The following SIPA1L1 variants were observed in gnomAD, a reference collection of about 807,000 sequenced individuals.
The protein encoded by SIPA1L1 is signal induced proliferation associated 1 like 1, also known as signal-induced proliferation-associated 1-like protein 1.
A neutral mutation model predicts 162.7 loss-of-function variants in SIPA1L1; 26 were observed. The observed-to-expected ratio is 0.16, with a 90% CI of 0.12 to 0.22. The LOEUF (loss-of-function observed/expected upper bound fraction) is 0.22. SIPA1L1 is among the 10% of genes least tolerant of loss of function. SIPA1L1 has a pLI of 1.00. For missense variants in SIPA1L1, 1,874 were observed against 2,241.0 expected (o/e 0.84, Z 3.31); for synonymous variants, 829 against 837.4 (o/e 0.99, Z 0.17).
chr14:71,486,903 G>A (rs765280060), intron 2 of SIPA1L1, among the ~76,000 whole-genome samples: 5 of 152,076 alleles, frequency 3.3e-5, no homozygotes, highest in Non-Finnish European at 5.9e-5. Context: ...TTCTAAAGGC[G>A]CATGTTTTAG....
chr14:71,390,578 C>G (rs888122299), intron 2 of SIPA1L1, among the ~76,000 whole-genome samples: 1 of 151,948 alleles, frequency 6.6e-6, no homozygotes, highest in Non-Finnish European at 1.5e-5. Flanking sequence ...GAGTTTGAGA[C>G]CAGAGCCTGG....
intron 13 of SIPA1L1, among the ~76,000 whole-genome samples, chr14:71,692,129 G>A (rs965141200): frequency 2.0e-5 from 3 of 152,100 alleles, no homozygotes; most frequent in African/African-American, 7.2e-5. Flanking sequence ...TAACAAAAGG[G>A]CTTATTTAAG....
intron 4 of SIPA1L1, among the ~76,000 whole-genome samples, chr14:71,555,218 A>G (rs1238891799): frequency 6.6e-6 from 1 of 152,236 alleles, no homozygotes; most frequent in Non-Finnish European, 1.5e-5. Flanking sequence ...TGTTTCATCT[A>G]TACTGAAAAT....
chr14:71,386,882 A>G (rs2040364690), intron 2 of SIPA1L1, among the ~76,000 whole-genome samples: 1 of 152,122 alleles, frequency 6.6e-6, no homozygotes, highest in Non-Finnish European at 1.5e-5. Flanking sequence ...GTTACTGTGA[A>G]TTTTCTCATT....
chr14:71,517,522 T>C (rs1190515787), intron 3 of SIPA1L1, among the ~76,000 whole-genome samples: 1 of 152,174 alleles, frequency 6.6e-6, no homozygotes, highest in African/African-American at 2.4e-5. Context: ...GGGCGACACG[T>C]CTCTCAGTGA....
intron 2 of SIPA1L1, among the ~76,000 whole-genome samples, chr14:71,413,482 A>G (rs1014896760): frequency 3.3e-5 from 5 of 152,228 alleles, no homozygotes; most frequent in Non-Finnish European, 5.9e-5. Flanking sequence ...TCACGCCTGT[A>G]ATCCCAGCAT....
chr14:71,542,284 CCTCTTCCTCTT>C (rs1206281839), intron 4 of SIPA1L1, among the ~76,000 whole-genome samples: 5 of 149,038 alleles, frequency 3.4e-5, no homozygotes, highest in Non-Finnish European at 7.5e-5. Context: ...CTCTTCCTCT[CCTCTTCCTCTT>C]CTCCTCTTCC....
rs1030029294 is a variant in SIPA1L1, at chr14:71,673,826, C to T, written c.3104+1204C>T. Among the ~76,000 whole-genome samples the T allele has an allele frequency of 3.3e-5, 5 of 152,168 alleles. No homozygotes were observed. In the East Asian group the frequency reaches 5.8e-4, roughly 18 times the overall value. On this transcript the variant is annotated intron_variant, in intron 12 of 23. Transcript: ENST00000381232. The stretch of plus-strand genomic sequence containing the variant: ...GAGTAAATATTCAGAAACTGCCCTA[C>T]CCACATACCCTGCCTTAGTTAACCA...
Position 71,705,204 on chromosome 14 carries a change from T to G in SIPA1L1, c.3647-18T>G. ...TCTGCTTAGTGCCTGCACCATAATG[T>G]CCTATGCTGTATTCCAGAGCCAACA... On this transcript the variant is annotated intron_variant, in intron 15 of 23. Transcript: ENST00000381232. The G allele has an allele frequency of 6.4e-7, 1 of 1,557,424 alleles. No homozygotes were observed. The highest frequency in any genetic ancestry group is 8.9e-7 in the Non-Finnish European group (1 of 1,128,216).
At chr14:71,707,457 C>G (rs1308574632) in intron 16 of SIPA1L1, among the ~76,000 whole-genome samples, 1 of 152,152 alleles carries the variant, frequency 6.6e-6, no homozygotes, top group East Asian at 1.9e-4. Context: ...TTCGTCACCA[C>G]CACCGACTGC....
At chr14:71,543,973 A>C (rs908487382) in intron 4 of SIPA1L1, among the ~76,000 whole-genome samples, 4 of 150,238 alleles carry the variant, frequency 2.7e-5, no homozygotes, top group African/African-American at 9.8e-5. Context: ...GTATATATAC[A>C]CACACGCACA....
chr14:71,542,441 T>G (rs1217148553), intron 4 of SIPA1L1, among the ~76,000 whole-genome samples: 2 of 151,078 alleles, frequency 1.3e-5, no homozygotes, highest in East Asian at 3.9e-4. Flanking sequence ...TGCTGCTGCT[T>G]CTGCTTCTTC....
intron 4 of SIPA1L1, among the ~76,000 whole-genome samples, chr14:71,576,076 A>G (rs771757884): frequency 2.0e-5 from 3 of 152,234 alleles, no homozygotes; most frequent in Non-Finnish European, 4.4e-5. Flanking sequence ...TTACATTTCA[A>G]GGGTACTAAG....
intron 4 of SIPA1L1, among the ~76,000 whole-genome samples, chr14:71,580,780 CA>C (rs2033817623): frequency 6.6e-6 from 1 of 152,016 alleles, no homozygotes; most frequent in South Asian, 2.1e-4. Flanking sequence ...ACTGCATTCC[CA>C]GATCATATTT....
At chr14:71,644,445 C>G (rs1468526501) in intron 7 of SIPA1L1, among the ~76,000 whole-genome samples, 2 of 151,952 alleles carry the variant, frequency 1.3e-5, no homozygotes, top group Non-Finnish European at 2.9e-5. Flanking sequence ...CTGTGTTGCT[C>G]TGGCTGGTCT....
intron 10 of SIPA1L1, among the ~76,000 whole-genome samples, chr14:71,666,015 G>T (rs2043969674): frequency 6.6e-6 from 1 of 152,026 alleles, no homozygotes; most frequent in African/African-American, 2.4e-5. Flanking sequence ...CACTCCTGAG[G>T]GCTTCACTGT....
chr14:71,430,473 T>C (rs1359468628), intron 2 of SIPA1L1, among the ~76,000 whole-genome samples: 3 of 152,226 alleles, frequency 2.0e-5, no homozygotes, highest in African/African-American at 2.4e-5. Context: ...ATCAGTATTC[T>C]GAGCCTCACT....
chr14:71,606,159 G>T (rs557825931), intron 5 of SIPA1L1, among the ~76,000 whole-genome samples: 1 of 152,144 alleles, frequency 6.6e-6, no homozygotes, highest in African/African-American at 2.4e-5. Flanking sequence ...CCTGGGGGTG[G>T]CGGGATTGCT....
rs1242309098 is a variant in SIPA1L1 at position 71,724,695 on chromosome 14, A to G, written c.4474A>G (p.Ile1492Val). The G allele has an allele frequency of 2.5e-6, 4 of 1,613,752 alleles. No individual in the cohort carries two copies. The highest frequency in any genetic ancestry group is 3.4e-6 in the Non-Finnish European group (4 of 1,179,938). Residue 1492 changes from isoleucine (I) to valine (V), a missense_variant, in exon 19 of 24, where the codon ATA (isoleucine) becomes GTA (valine). Around this residue, in one of 5 missense-constraint regions of SIPA1L1, gnomAD observed 936 missense variants for 1,051.9 expected, o/e 0.89. Coordinates refer to ENST00000381232, the MANE Select transcript of SIPA1L1 (RefSeq NM_001386936.1). ...GCGTCATCAGAGCGATGGCAATGAA[A>G]TAGCCCACACCAGGCTGCGTGCCTC... Reference protein sequence around the residue: ...RKRHQSDGNEIAHTRLRASTR... With the variant: ...RKRHQSDGNEVAHTRLRASTR...
Sources: allele counts gnomAD v4.1 joint callset (sites outside exome capture counted in the v4.1 genomes callset), GRCh38; gene constraint gnomAD v4.1.1; regional missense constraint gnomAD v4.1.1; transcripts MANE v1.5; gene names NCBI Gene and HGNC (gene_info 2026-07-23, HGNC 2026-07-21).